The following SDK1 variants were observed in gnomAD, a reference collection of about 807,000 sequenced individuals.
The protein encoded by SDK1 is sidekick cell adhesion molecule 1, also known as protein sidekick-1.
In SDK1, 157 loss-of-function variants were observed where a neutral mutation model predicts 245.5. The observed-to-expected ratio is 0.64, with a 90% CI of 0.56 to 0.73. The LOEUF is 0.73. SDK1 is among the 30% of genes least tolerant of loss of function. The probability of loss-of-function intolerance (pLI) is 0.00; values close to 1 mark genes in which losing one functional copy is unlikely to be tolerated. For synonymous variants in SDK1, 1,647 were observed against 1,278.5 expected (o/e 1.29, Z -6.15); for missense variants, 3,583 against 3,002.3 (o/e 1.19, Z -4.52).
At chr7:3,578,547 G>T (rs1199762559) in intron 1 of SDK1, among the ~76,000 whole-genome samples, 1 of 151,936 alleles carries the variant, frequency 6.6e-6, no homozygotes, top group Non-Finnish European at 1.5e-5. Context: ...AGTACTGCAG[G>T]AGACCAGGGT....
At chr7:3,420,858 G>C (rs955095139) in intron 1 of SDK1, among the ~76,000 whole-genome samples, 2 of 152,064 alleles carry the variant, frequency 1.3e-5, no homozygotes, top group Admixed American at 1.3e-4. Flanking sequence ...CCATCACCAA[G>C]TATTAAACCC....
chr7:3,572,135 C>A (rs961772694), intron 1 of SDK1, among the ~76,000 whole-genome samples: 26 of 152,048 alleles, frequency 1.7e-4, no homozygotes, highest in African/African-American at 5.8e-4. Context: ...CAACAAACAT[C>A]CACTGGGCAC....
intron 5 of SDK1, among the ~76,000 whole-genome samples, chr7:3,908,470 C>T (rs1583546630): frequency 6.6e-6 from 1 of 152,188 alleles, no homozygotes; most frequent in African/African-American, 2.4e-5. Flanking sequence ...GCGGTCCACT[C>T]AGCTGCGTCC....
intron 22 of SDK1, among the ~76,000 whole-genome samples, chr7:4,083,810 C>A (rs1321836569): frequency 7.4e-6 from 1 of 136,012 alleles, no homozygotes; most frequent in African/African-American, 2.8e-5. Context: ...TCCCTTCCTT[C>A]CTTTCTTCCT....
intron 10 of SDK1, among the ~76,000 whole-genome samples, chr7:3,968,458 G>A (rs977794327): frequency 2.6e-5 from 4 of 152,158 alleles, no homozygotes; most frequent in Non-Finnish European, 5.9e-5. Context: ...GCAGCTTCTC[G>A]ACTCTCAGAG....
intron 22 of SDK1, among the ~76,000 whole-genome samples, chr7:4,093,518 C>T (rs911759817): frequency 6.7e-6 from 1 of 148,606 alleles, no homozygotes; most frequent in African/African-American, 2.5e-5. Flanking sequence ...ATAATAGTAG[C>T]CATTTTCTTA....
chr7:3,754,330 A>C (rs1028487738), intron 4 of SDK1, among the ~76,000 whole-genome samples: 2 of 152,236 alleles, frequency 1.3e-5, no homozygotes, highest in Non-Finnish European at 2.9e-5. Context: ...AAGATAATTT[A>C]ATTTTACATT....
chr7:3,512,906 A>G (rs970304803), intron 1 of SDK1, among the ~76,000 whole-genome samples: 1 of 152,108 alleles, frequency 6.6e-6, no homozygotes, highest in Non-Finnish European at 1.5e-5. Flanking sequence ...GAGATTTGAC[A>G]TTCACCTATT....
intron 5 of SDK1, among the ~76,000 whole-genome samples, chr7:3,833,394 A>G (rs964141935): frequency 1.4e-4 from 21 of 152,216 alleles, no homozygotes; most frequent in African/African-American, 3.4e-4. Flanking sequence ...CTGTGGTTCT[A>G]TTAATTCAGA....
At chr7:3,630,102 C>A (rs949678261) in intron 2 of SDK1, among the ~76,000 whole-genome samples, 2 of 151,986 alleles carry the variant, frequency 1.3e-5, no homozygotes, top group African/African-American at 4.8e-5. Flanking sequence ...GAAAAAAAAT[C>A]AAACATAATG....
intron 14 of SDK1, among the ~76,000 whole-genome samples, chr7:4,003,055 C>T (rs1785193176): frequency 6.6e-6 from 1 of 152,248 alleles, no homozygotes; most frequent in South Asian, 2.1e-4. Context: ...TGAGCCATGT[C>T]TGGGACAGCT....
At chr7:3,600,056 T>G (rs896150982) in intron 1 of SDK1, among the ~76,000 whole-genome samples, 5 of 152,228 alleles carry the variant, frequency 3.3e-5, no homozygotes. Flanking sequence ...TTTAATTCTA[T>G]GGACATGGTG....
chr7:3,974,432 G>A lies in SDK1; in HGVS notation c.1881G>A (p.Glu627=), dbSNP rs548430447. The A allele has an allele frequency of 1.9e-6, 3 of 1,614,204 alleles. No homozygotes were observed. In the African/African-American group the frequency reaches 4.0e-5, roughly 22 times the overall value. The change falls in exon 13 of 45, where the codon GAG becomes GAA. Residue 627 remains glutamate (E), a synonymous_variant. Transcript: ENST00000404826. Reference sequence around the variant, plus strand: ...CGAGCACGTCTAGGATCGTGGTGGAGAAGGACGGGTCCCTTCTCATCAGCC... The same window carrying A: ...CGAGCACGTCTAGGATCGTGGTGGAAAAGGACGGGTCCCTTCTCATCAGCC... ...TPSSTSRIVV[E]KDGSLLISQT... is the part of the protein sequence containing the mutation.
At chr7:3,892,613 C>G (rs1313946707) in intron 5 of SDK1, among the ~76,000 whole-genome samples, 1 of 152,152 alleles carries the variant, frequency 6.6e-6, no homozygotes, top group African/African-American at 2.4e-5. Flanking sequence ...GGCATAGATT[C>G]CAAAAAGAAA....
intron 1 of SDK1, among the ~76,000 whole-genome samples, chr7:3,615,444 A>G (rs1416030570): frequency 2.0e-5 from 3 of 151,726 alleles, no homozygotes; most frequent in Non-Finnish European, 4.4e-5. Flanking sequence ...AACTCTTGGA[A>G]CAGGACAAGG....
Position 3,400,992 on chromosome 7 carries a change from C to T in SDK1, c.298+99108C>T, listed in dbSNP as rs75859546. Among the ~76,000 whole-genome samples, 923 of 152,226 alleles carry T rather than the reference C, an allele frequency of 6.1e-3. 11 individuals are homozygous for T. The highest frequency in any genetic ancestry group is 0.021 in the African/African-American group (864 of 41,528). On this transcript the variant is annotated intron_variant, in intron 1 of 44. Transcript: ENST00000404826. ...GTGATGATGAGAAGGGAAGGGACAG[C>T]AGCCAGTGCCAGTTCGAGATGAGTA...
At chr7:3,909,221 C>T (rs1420192326) in intron 5 of SDK1, among the ~76,000 whole-genome samples, 1 of 152,196 alleles carries the variant, frequency 6.6e-6, no homozygotes, top group African/African-American at 2.4e-5. Context: ...CACCTGTTTT[C>T]CATTACGGAG....
intron 17 of SDK1, among the ~76,000 whole-genome samples, chr7:4,049,060 G>T (rs369166157): frequency 6.6e-6 from 1 of 152,144 alleles, no homozygotes; most frequent in Non-Finnish European, 1.5e-5. Flanking sequence ...TTTGCTTGCC[G>T]TCCGTCTTGG....
chr7:3,528,653 G>A (rs1376246213), intron 1 of SDK1, among the ~76,000 whole-genome samples: 6 of 152,104 alleles, frequency 3.9e-5, no homozygotes, highest in African/African-American at 1.4e-4. Context: ...TGGATTGTAG[G>A]ATCACCCTGA....
Sources: gnomAD v4.1 joint callset for allele counts (sites outside exome capture counted in the v4.1 genomes callset) on GRCh38, gnomAD v4.1.1 for gene constraint, MANE v1.5 for transcripts, NCBI Gene and HGNC (gene_info 2026-07-23, HGNC 2026-07-21) for gene names.